Variants in SPECC1 observed in about 807,000 individuals in gnomAD.
SPECC1 encodes the protein cytospin-B.
In SPECC1, 62 loss-of-function variants were observed where a neutral mutation model predicts 104.1. The ratio of observed to expected loss-of-function variants is 0.60; its 90% CI spans 0.49 to 0.74. The LOEUF (loss-of-function observed/expected upper bound fraction) is 0.74. Ranked by LOEUF, SPECC1 falls within the 30% of genes least tolerant of loss-of-function variation. The probability of loss-of-function intolerance (pLI) is 0.00; values close to 1 mark genes in which losing one functional copy is unlikely to be tolerated. For synonymous variants in SPECC1, 513 were observed against 501.6 expected (o/e 1.02, Z -0.30); for missense variants, 1,306 against 1,310.5 (o/e 1.00, Z 0.05).
Position 20,314,344 on chromosome 17 carries a change from C to A in SPECC1, c.*279C>A, listed in dbSNP as rs976491616. The A allele has an allele frequency of 2.3e-6, 1 of 434,456 alleles. No individual in the cohort carries two copies. Among genetic ancestry groups the A allele is most frequent in the African/African-American group, 1.9e-5 (1 of 51,968 alleles). The allele number at this position is 434,456 out of a possible 1,614,324, so 26.9% of individuals were successfully genotyped here. A position where few individuals can be genotyped will look rare whatever the true frequency, so the allele number is the denominator to read the frequency against. Reference sequence around the variant, plus strand: ...GCCTCCCTCCTTCCAGACCAAGACCCCACACCCAGGCTTGTTTTGCTGATT... The same window carrying A: ...GCCTCCCTCCTTCCAGACCAAGACCACACACCCAGGCTTGTTTTGCTGATT... On this transcript the variant is annotated 3_prime_UTR_variant, in exon 15 of 15. Coordinates refer to ENST00000395527, the MANE Select transcript of SPECC1 (RefSeq NM_001243439.2).
chr17:20,289,238 CT>C (rs967810624), intron 12 of SPECC1, among the ~76,000 whole-genome samples: 5 of 152,208 alleles, frequency 3.3e-5, no homozygotes, highest in African/African-American at 1.2e-4. Context: ...TTACCTCCCC[CT>C]GGGTCCCTCC....
intron 7 of SPECC1, 43 bp downstream of exon 7, chr17:20,232,448 C>CT: frequency 6.4e-7 from 1 of 1,558,072 alleles, no homozygotes; most frequent in Non-Finnish European, 8.7e-7. Flanking sequence ...TTCTCAATCA[C>CT]TATGTATGGG....
At chr17:20,295,926 T>C (rs1212378961) in intron 12 of SPECC1, among the ~76,000 whole-genome samples, 4 of 152,228 alleles carry the variant, frequency 2.6e-5, no homozygotes, top group Non-Finnish European at 5.9e-5. Flanking sequence ...ATTAGCCCTT[T>C]GCCAGATGGG....
chr17:20,242,520 CTGT>C (rs1289385501), intron 7 of SPECC1, among the ~76,000 whole-genome samples: 1 of 152,182 alleles, frequency 6.6e-6, no homozygotes, highest in African/African-American at 2.4e-5. Context: ...TGGCCTGCAA[CTGT>C]TGTTCTCTAG....
chr17:20,090,978 G>A (rs2047379015), intron 1 of SPECC1, among the ~76,000 whole-genome samples: 1 of 152,082 alleles, frequency 6.6e-6, no homozygotes, highest in Admixed American at 6.6e-5. Flanking sequence ...TCACCTTCTG[G>A]CAGGAGTCCA....
intron 1 of SPECC1, among the ~76,000 whole-genome samples, chr17:20,051,133 T>C (rs4925070): frequency 0.19 from 7,173 of 38,652 alleles, 370 homozygotes; most frequent in Non-Finnish European, 0.21. Context: ...TCTTTCTTTC[T>C]TTCTTTCCTT....
At chr17:20,179,775 A>G (rs1025395087) in intron 3 of SPECC1, among the ~76,000 whole-genome samples, 2 of 152,230 alleles carry the variant, frequency 1.3e-5, no homozygotes, top group African/African-American at 4.8e-5. Flanking sequence ...AATGAATAAT[A>G]TAAGTAACAG....
intron 4 of SPECC1, among the ~76,000 whole-genome samples, chr17:20,216,397 C>A (rs1671746567): frequency 6.6e-6 from 1 of 152,154 alleles, no homozygotes; most frequent in African/African-American, 2.4e-5. Context: ...GACAGTGATT[C>A]TTTTGGGGAG....
chr17:20,037,605 C>G (rs1341782014), intron 1 of SPECC1, among the ~76,000 whole-genome samples: 1 of 151,874 alleles, frequency 6.6e-6, no homozygotes, highest in Non-Finnish European at 1.5e-5. Context: ...ATAAAATGAA[C>G]TGGGAGATGT....
chr17:20,124,611 C>T (rs1277799319), intron 3 of SPECC1, among the ~76,000 whole-genome samples: 2 of 152,088 alleles, frequency 1.3e-5, no homozygotes, highest in African/African-American at 2.4e-5. Context: ...ATTTCAGATT[C>T]GGTATAGATG....
Position 20,162,765 on chromosome 17 carries a change from C to T in SPECC1, c.284-41568C>T, listed in dbSNP as rs2033283621. Reference sequence around the variant, plus strand: ...AGATGTGGCTGGGTGCAGTGGCTCACGCCTGTAATCGCAGCACTTTGGGAG... The same window carrying T: ...AGATGTGGCTGGGTGCAGTGGCTCATGCCTGTAATCGCAGCACTTTGGGAG... On this transcript the variant is annotated intron_variant, in intron 3 of 14. Transcript: ENST00000395527. 3.3e-5 allele frequency among the ~76,000 whole-genome samples: 5 copies of T among 152,156 alleles called. No homozygotes were observed. The South Asian group carries it at 6.2e-4, about 19-fold the overall frequency.
At position 20,032,126 on chromosome 17, in the gene SPECC1, G is replaced by T. The variant is rs114750051; in HGVS notation, c.-22+22702G>T. Among the ~76,000 whole-genome samples, 1,020 of 151,124 alleles carry T rather than the reference G, an allele frequency of 6.7e-3. 16 individuals are homozygous for T. The highest frequency in any genetic ancestry group is 0.024 in the African/African-American group (957 of 40,534). On this transcript the variant is annotated intron_variant, in intron 1 of 14. Transcript: ENST00000395527. ...GAGGTCAACTGTTTCTATTATTGTG[G>T]TTCTTTTATAAGTGATGTTCTTTTG...
intron 6 of SPECC1, 134 bp downstream of exon 6, chr17:20,231,965 G>T (rs1253265925): frequency 2.0e-6 from 2 of 1,011,566 alleles, no homozygotes; most frequent in East Asian, 2.5e-5. Flanking sequence ...GTAAATTCTT[G>T]TTGGCAGGAA....
At position 20,314,201 on chromosome 17, in the gene SPECC1, C is replaced by A; in HGVS notation, c.*136C>A. 1 of 704,412 alleles carries A rather than the reference C, an allele frequency of 1.4e-6. No individual in the cohort carries two copies. The highest frequency in any genetic ancestry group is 2.2e-5 in the Admixed American group (1 of 45,126). The allele number at this position is 704,412 out of a possible 1,614,324, so 43.6% of individuals were successfully genotyped here. On this transcript the variant is annotated 3_prime_UTR_variant, in exon 15 of 15. Transcript: ENST00000395527. ...CAAAGACAGGCTCAATCCAAGTGGA[C>A]CAACACCCAAATAAGAAACAGAGTG...
At chr17:20,042,211 A>G (rs2045357670) in intron 1 of SPECC1, among the ~76,000 whole-genome samples, 1 of 152,138 alleles carries the variant, frequency 6.6e-6, no homozygotes. Context: ...CTCTGCTTCC[A>G]TTGACACCCA....
At chr17:20,134,882 T>C (rs1204804051) in intron 3 of SPECC1, among the ~76,000 whole-genome samples, 1 of 152,224 alleles carries the variant, frequency 6.6e-6, no homozygotes, top group Non-Finnish European at 1.5e-5. Context: ...TCCCACCATA[T>C]AACAAGTTTT....
At chr17:20,144,828 GA>G (rs1177257265) in intron 3 of SPECC1, among the ~76,000 whole-genome samples, 1 of 152,170 alleles carries the variant, frequency 6.6e-6, no homozygotes, top group East Asian at 1.9e-4. Context: ...GCAGATAATA[GA>G]GGTGTCACAC....
chr17:20,294,400 T>A (rs2041272638), intron 12 of SPECC1, among the ~76,000 whole-genome samples: 1 of 152,198 alleles, frequency 6.6e-6, no homozygotes, highest in South Asian at 2.1e-4. Context: ...TTGTTTGGTG[T>A]GCTGACGGGG....
intron 3 of SPECC1, among the ~76,000 whole-genome samples, chr17:20,193,967 A>G (rs2035837666): frequency 6.6e-6 from 1 of 152,218 alleles, no homozygotes; most frequent in South Asian, 2.1e-4. Flanking sequence ...AAACTGAAAA[A>G]CAGATGAGAC....
Sources: allele counts gnomAD v4.1 joint callset (sites outside exome capture counted in the v4.1 genomes callset), GRCh38; gene constraint gnomAD v4.1.1; transcripts MANE v1.5; gene names NCBI Gene and HGNC (gene_info 2026-07-23, HGNC 2026-07-21).